GLIS3: variants seen among roughly 807,000 people sequenced by gnomAD.
The protein encoded by GLIS3 is GLIS family zinc finger 3, also known as zinc finger protein GLIS3.
In GLIS3, 53 loss-of-function variants were observed where a neutral mutation model predicts 78.6. The ratio of observed to expected loss-of-function variants is 0.67; its 90% CI spans 0.54 to 0.85. GLIS3 has a LOEUF of 0.85. GLIS3 is among the 40% of genes least tolerant of loss of function. The pLI is 0.00. For missense variants in GLIS3, 1,703 were observed against 1,231.1 expected (o/e 1.38, Z -5.74); for synonymous variants, 684 against 509.9 (o/e 1.34, Z -4.60).
Position 3,879,553 on chromosome 9 carries a change from G to A in GLIS3, c.2171C>T (p.Ala724Val). The change falls in exon 8 of 11, where the codon GCT becomes GTT. Residue 724 changes from alanine (A) to valine (V), a missense_variant. Coordinates refer to ENST00000381971, the MANE Select transcript of GLIS3 (RefSeq NM_001042413.2). ...SSNYSSRSGT[A>V]AGAVPPPHPV... ...ATGTGGGGGTGGTACGGCCCCAGCA[G>A]CTGTTCCACTTCGGCTTGAATAATT... The A allele has an allele frequency of 3.1e-6, 5 of 1,614,126 alleles. No individual in the cohort carries two copies. The South Asian group carries it at 4.4e-5, about 14-fold the overall frequency.
intron 2 of GLIS3, among the ~76,000 whole-genome samples, chr9:4,138,842 A>C (rs931107901): frequency 6.6e-5 from 10 of 152,240 alleles, no homozygotes; most frequent in Admixed American, 3.9e-4. Context: ...AGGCATTCAT[A>C]TTCTTACTAA....
chr9:3,904,497 A>G (rs1283491250), intron 6 of GLIS3, among the ~76,000 whole-genome samples: 1 of 152,132 alleles, frequency 6.6e-6, no homozygotes, highest in East Asian at 1.9e-4. Flanking sequence ...ATATATAGAT[A>G]TTTATCTTGG....
intron 1 of GLIS3, chr9:4,298,467 C>T: frequency 2.2e-6 from 1 of 448,972 alleles, no homozygotes; most frequent in Non-Finnish European, 4.5e-6. Context: ...CCCGAGGTGA[C>T]TTGTCAGCTC....
intron 2 of GLIS3, among the ~76,000 whole-genome samples, chr9:4,145,574 A>T (rs1834158587): frequency 6.6e-6 from 1 of 152,160 alleles, no homozygotes; most frequent in Non-Finnish European, 1.5e-5. Context: ...AACATTCAAA[A>T]AGCCCATAAT....
chr9:4,200,495 A>C (rs1429342635), intron 2 of GLIS3, among the ~76,000 whole-genome samples: 1 of 152,216 alleles, frequency 6.6e-6, no homozygotes, highest in East Asian at 1.9e-4. Context: ...ATCCCAAAGA[A>C]ACACAAAGGA....
chr9:4,251,429 CTTT>C (rs55764240), intron 2 of GLIS3, among the ~76,000 whole-genome samples: 73 of 39,608 alleles, frequency 1.8e-3, no homozygotes, highest in Admixed American at 2.3e-3. Flanking sequence ...GGATTGCAAT[CTTT>C]TTTTTTTTTT....
chr9:4,009,818 T>G (rs1050798068), intron 4 of GLIS3, among the ~76,000 whole-genome samples: 1 of 152,154 alleles, frequency 6.6e-6, no homozygotes, highest in African/African-American at 2.4e-5. Context: ...TCACTGCACA[T>G]GCAGAAGTGG....
chr9:4,378,890 A>G, the GLIS3 span, among the ~76,000 whole-genome samples: 1 of 152,172 alleles, frequency 6.6e-6, no homozygotes, highest in Non-Finnish European at 1.5e-5. Context: ...TTCTTCCTCT[A>G]TGAGGTACAT....
At chr9:4,481,301 T>C in the GLIS3 span, among the ~76,000 whole-genome samples, 9 of 152,178 alleles carry the variant, frequency 5.9e-5, no homozygotes, top group Admixed American at 6.5e-5. Context: ...CTGGCCAACA[T>C]GGTGAAACCC....
At chr9:4,313,594 C>T (rs1013479279) in intron 2 of GLIS3, among the ~76,000 whole-genome samples, 4 of 152,164 alleles carry the variant, frequency 2.6e-5, no homozygotes, top group Non-Finnish European at 5.9e-5. Context: ...TGATCTTGGA[C>T]CTTGATTTTT....
At chr9:4,320,721 G>A (rs112808538) in intron 2 of GLIS3, among the ~76,000 whole-genome samples, 488 of 151,804 alleles carry the variant, frequency 3.2e-3, no homozygotes, top group African/African-American at 0.011. Flanking sequence ...TACTATCACT[G>A]CCAGCACCCC....
chr9:4,128,249 C>T (rs897384227), intron 2 of GLIS3, among the ~76,000 whole-genome samples: 2 of 152,232 alleles, frequency 1.3e-5, no homozygotes, highest in African/African-American at 4.8e-5. Context: ...TCCTCCTCCA[C>T]TACCTGTTAG....
In GLIS3 at chr9:3,856,098, G is replaced by A; in HGVS notation, c.2384C>T (p.Pro795Leu). The change falls in exon 9 of 11, where the codon CCC becomes CTC. Residue 795 changes from proline (P) to leucine (L), a missense_variant. Pro to Leu is a moderately conservative substitution (Grantham distance 98, BLOSUM62 -3). Transcript: ENST00000381971. ...PSSILQRTQP[P>L]YTQQPSGSHL... Reference sequence around the variant, plus strand: ...TGAACCTGATGGCTGCTGGGTATAGGGAGGCTGTGTTCTTTGCAGTATTGA... The same window carrying A: ...TGAACCTGATGGCTGCTGGGTATAGAGAGGCTGTGTTCTTTGCAGTATTGA... 6.2e-7 allele frequency: 1 copy of A among 1,614,192 alleles called. No individual in the cohort carries two copies. The highest frequency in any genetic ancestry group is 8.5e-7 in the Non-Finnish European group (1 of 1,180,010).
intron 2 of GLIS3, among the ~76,000 whole-genome samples, chr9:4,196,677 T>C (rs148002963): frequency 1.6e-3 from 246 of 152,264 alleles, no homozygotes; most frequent in African/African-American, 5.6e-3. Flanking sequence ...ACTCCGAACA[T>C]GTCTGAACAT....
At chr9:4,050,148 C>T (rs879126722) in intron 4 of GLIS3, among the ~76,000 whole-genome samples, 21 of 151,306 alleles carry the variant, frequency 1.4e-4, no homozygotes, top group South Asian at 4.1e-4. Flanking sequence ...CACATGCACA[C>T]GTATGTTTAT....
At chr9:4,350,362 A>G (rs774408829), upstream of GLIS3, among the ~76,000 whole-genome samples, 1 of 152,198 alleles carries the variant, frequency 6.6e-6, no homozygotes, top group Non-Finnish European at 1.5e-5. Context: ...ACTGGGCCAC[A>G]TTTACTGGAT....
chr9:4,421,713 G>A, the GLIS3 span, among the ~76,000 whole-genome samples: 2 of 152,236 alleles, frequency 1.3e-5, no homozygotes, highest in Non-Finnish European at 2.9e-5. Flanking sequence ...TCTGAGAATA[G>A]TGTTAGACAC....
chr9:4,193,420 T>C (rs1818510424), intron 2 of GLIS3, among the ~76,000 whole-genome samples: 1 of 152,238 alleles, frequency 6.6e-6, no homozygotes, highest in African/African-American at 2.4e-5. Flanking sequence ...AAGAAGTCTA[T>C]AATTTTGCTA....
the GLIS3 span, among the ~76,000 whole-genome samples, chr9:4,365,121 A>G: frequency 6.5e-3 from 996 of 152,062 alleles, 18 homozygotes; most frequent in African/African-American, 0.022. Context: ...ATCAGATATT[A>G]TCAGAAAACA....
Sources: allele counts gnomAD v4.1 joint callset (sites outside exome capture counted in the v4.1 genomes callset), GRCh38; gene constraint gnomAD v4.1.1; transcripts MANE v1.5; gene names NCBI Gene and HGNC (gene_info 2026-07-23, HGNC 2026-07-21).